MACROD2: variants seen among roughly 807,000 people sequenced by gnomAD.
The protein encoded by MACROD2 is ADP-ribose glycohydrolase MACROD2.
In MACROD2, 36 loss-of-function variants were observed where a neutral mutation model predicts 70.4. The ratio of observed to expected loss-of-function variants is 0.51; its 90% confidence interval spans 0.39 to 0.68. MACROD2 has a LOEUF of 0.68. Ranked by LOEUF, MACROD2 falls within the 30% of genes least tolerant of loss-of-function variation. The probability of loss-of-function intolerance (pLI) is 0.00; values close to 1 mark genes in which losing one functional copy is unlikely to be tolerated. For missense variants in MACROD2, 496 were observed against 538.4 expected, an observed-to-expected ratio of 0.92 and a Z score of 0.78; for synonymous variants, 172 against 178.8, an observed-to-expected ratio of 0.96 and a Z score of 0.30.
intron 4 of MACROD2, among the ~76,000 whole-genome samples, chr20:14,645,435 G>A (rs1835480356): frequency 6.6e-6 from 1 of 151,896 alleles, no homozygotes; most frequent in Non-Finnish European, 1.5e-5. Context: ...TGGGAACACA[G>A]AATTGACTTC....
intron 13 of MACROD2, among the ~76,000 whole-genome samples, chr20:15,984,733 C>G (rs1054244582): frequency 6.6e-6 from 1 of 151,296 alleles, no homozygotes; most frequent in African/African-American, 2.4e-5. Flanking sequence ...ACATGTTACA[C>G]TGTTAACTTT....
At chr20:14,210,664 T>A (rs888527489) in intron 3 of MACROD2, among the ~76,000 whole-genome samples, 12 of 152,216 alleles carry the variant, frequency 7.9e-5, no homozygotes, top group Non-Finnish European at 1.8e-4. Flanking sequence ...AAACATAAGG[T>A]TATTCACATT....
chr20:15,587,225 T>A (rs946663958), intron 8 of MACROD2, among the ~76,000 whole-genome samples: 2 of 152,154 alleles, frequency 1.3e-5, no homozygotes, highest in Non-Finnish European at 2.9e-5. Flanking sequence ...AAACCCCTGA[T>A]AAACCCATCA....
At chr20:14,069,809 G>T (rs1483315000) in intron 2 of MACROD2, among the ~76,000 whole-genome samples, 1 of 151,256 alleles carries the variant, frequency 6.6e-6, no homozygotes, top group Non-Finnish European at 1.5e-5. Flanking sequence ...GCTTTTCCAT[G>T]TGATTTACTT....
chr20:15,603,334 C>A (rs1469006926), intron 8 of MACROD2, among the ~76,000 whole-genome samples: 1 of 148,844 alleles, frequency 6.7e-6, no homozygotes. Context: ...CCCATCTCTA[C>A]TAAAAATATT....
intron 5 of MACROD2, among the ~76,000 whole-genome samples, chr20:15,044,273 G>T (rs1017524060): frequency 6.6e-6 from 1 of 152,128 alleles, no homozygotes; most frequent in Non-Finnish European, 1.5e-5. Context: ...AACCAAAGAG[G>T]TTCTTCTTAC....
intron 6 of MACROD2, among the ~76,000 whole-genome samples, chr20:15,299,477 T>C (rs532792752): frequency 5.6e-4 from 86 of 152,354 alleles, no homozygotes; most frequent in Non-Finnish European, 1.1e-3. Context: ...TGTTAAATGT[T>C]GGAACAGACC....
At chr20:14,246,360 A>T (rs905420283) in intron 3 of MACROD2, among the ~76,000 whole-genome samples, 2 of 152,168 alleles carry the variant, frequency 1.3e-5, no homozygotes, top group African/African-American at 4.8e-5. Flanking sequence ...TTAGATCAGG[A>T]TAATACGGGA....
intron 5 of MACROD2, among the ~76,000 whole-genome samples, chr20:15,192,052 ATCTATCTATCT>A (rs2076576032): frequency 1.3e-5 from 2 of 150,762 alleles, no homozygotes; most frequent in East Asian, 2.0e-4. Context: ...CTATCTATCT[ATCTATCTATCT>A]AAAACTCTCT....
intron 3 of MACROD2, among the ~76,000 whole-genome samples, chr20:14,133,448 T>C (rs923069691): frequency 6.6e-6 from 1 of 152,172 alleles, no homozygotes; most frequent in Admixed American, 6.5e-5. Context: ...AGAGGTAAAG[T>C]AGGTAAAGGT....
chr20:15,271,075 A>G (rs1021866663), intron 6 of MACROD2, among the ~76,000 whole-genome samples: 1 of 152,174 alleles, frequency 6.6e-6, no homozygotes, highest in Admixed American at 6.5e-5. Context: ...CTAGACCCCA[A>G]ATGACCAATC....
In MACROD2 at chr20:14,458,292, CAT is replaced by C. The variant is rs555909117; in HGVS notation, c.272-35184_272-35183del. On this transcript the variant is annotated intron_variant, in intron 3 of 17. Transcript: ENST00000684519. The stretch of plus-strand genomic sequence containing the variant: ...ATTTTATGATTGTGGCATATTTTAA[CAT>C]ATTTCAACAAGATGATATAATGTTA... Among the ~76,000 whole-genome samples, 255 of 152,086 alleles carry C rather than the reference CAT, an allele frequency of 1.7e-3. 3 individuals are homozygous for C. Among genetic ancestry groups the C allele is most frequent in the African/African-American group, 6.1e-3 (252 of 41,454 alleles).
intron 3 of MACROD2, among the ~76,000 whole-genome samples, chr20:14,263,740 C>T (rs1044673776): frequency 6.6e-6 from 1 of 151,974 alleles, no homozygotes; most frequent in African/African-American, 2.4e-5. Context: ...GTGAGTGGAT[C>T]AGTTGAGCCC....
chr20:14,271,753 T>G (rs1333327483), intron 3 of MACROD2, among the ~76,000 whole-genome samples: 2 of 151,980 alleles, frequency 1.3e-5, no homozygotes, highest in Admixed American at 1.3e-4. Context: ...TGAAAAAAAT[T>G]TAGACAAATG....
chr20:15,386,609 T>C (rs762129834), intron 6 of MACROD2, among the ~76,000 whole-genome samples: 1 of 152,216 alleles, frequency 6.6e-6, no homozygotes, highest in Admixed American at 6.5e-5. Flanking sequence ...ACTGAAACTG[T>C]AATAGCTTAG....
intron 4 of MACROD2, among the ~76,000 whole-genome samples, chr20:14,495,890 A>T (rs1370853237): frequency 6.6e-6 from 1 of 152,202 alleles, no homozygotes; most frequent in Non-Finnish European, 1.5e-5. Context: ...ATAAAGATAA[A>T]TTACAAGTAT....
chr20:14,758,316 A>G (rs541088020), intron 5 of MACROD2, among the ~76,000 whole-genome samples: 6 of 152,068 alleles, frequency 3.9e-5, no homozygotes, highest in African/African-American at 7.3e-5. Flanking sequence ...TAATTTCAAC[A>G]TTTGTTTATT....
chr20:14,564,879 T>A (rs1165976773), intron 4 of MACROD2, among the ~76,000 whole-genome samples: 2 of 151,938 alleles, frequency 1.3e-5, no homozygotes, highest in East Asian at 3.9e-4. Context: ...AAAAGACCCC[T>A]GTGTTCATAT....
At chr20:14,938,063 TA>T (rs951040546) in intron 5 of MACROD2, among the ~76,000 whole-genome samples, 10 of 150,122 alleles carry the variant, frequency 6.7e-5, no homozygotes, top group Middle Eastern at 7.0e-3. Context: ...ATTGCATACA[TA>T]TACCATATTT....
Sources: allele counts gnomAD v4.1 joint callset (sites outside exome capture counted in the v4.1 genomes callset), GRCh38; gene constraint gnomAD v4.1.1; transcripts MANE v1.5; gene names NCBI Gene and HGNC (gene_info 2026-07-23, HGNC 2026-07-21).